The following TESC variants were observed in gnomAD, a reference collection of about 807,000 sequenced individuals.
TESC encodes the protein calcineurin B homologous protein 3.
TESC carries 19 observed loss-of-function variants against 31.0 expected under a neutral mutation model. That is an observed-to-expected ratio of 0.61 (90% CI 0.43 to 0.90). The LOEUF (loss-of-function observed/expected upper bound fraction) is 0.90, where lower values mean the gene tolerates loss of function less well. TESC is among the 40% of genes least tolerant of loss of function. TESC has a pLI of 0.00. For synonymous variants in TESC, 109 were observed against 114.8 expected, an observed-to-expected ratio of 0.95 and a Z score of 0.32; for missense variants, 248 against 303.8, an observed-to-expected ratio of 0.82 and a Z score of 1.36.
At chr12:117,069,773 T>C (rs532774137) in intron 2 of TESC, among the ~76,000 whole-genome samples, 2 of 152,366 alleles carry the variant, frequency 1.3e-5, no homozygotes, top group East Asian at 3.9e-4. Flanking sequence ...ATATTCAATT[T>C]GTCAAGCCGC....
At chr12:117,057,106 T>C (rs1207333418) in intron 2 of TESC, among the ~76,000 whole-genome samples, 1 of 152,116 alleles carries the variant, frequency 6.6e-6, no homozygotes, top group Non-Finnish European at 1.5e-5. Flanking sequence ...AGGCTCAAGA[T>C]ACTTTTCTTT....
intron 2 of TESC, among the ~76,000 whole-genome samples, chr12:117,074,590 G>T (rs1300723733): frequency 6.6e-6 from 1 of 152,130 alleles, no homozygotes; most frequent in Non-Finnish European, 1.5e-5. Flanking sequence ...CCTGATGGCA[G>T]CCTGAGCCCC....
At chr12:117,050,032 A>G (rs7956481) in intron 3 of TESC, among the ~76,000 whole-genome samples, 68,493 of 151,710 alleles carry the variant, frequency 0.45, 17,893 homozygotes, top group African/African-American at 0.73. Flanking sequence ...CAAACTCCTG[A>G]GCTCAAGCCA....
chr12:117,089,075 C>A (rs922775511), intron 1 of TESC, among the ~76,000 whole-genome samples: 1 of 152,142 alleles, frequency 6.6e-6, no homozygotes, highest in Non-Finnish European at 1.5e-5. Flanking sequence ...TCAGAAAAAA[C>A]GTTCCCCACT....
intron 4 of TESC, among the ~76,000 whole-genome samples, chr12:117,047,310 C>G (rs1430534805): frequency 6.6e-6 from 1 of 152,228 alleles, no homozygotes; most frequent in South Asian, 2.1e-4. Context: ...ACATGGGCAG[C>G]CCCAGGCCTG....
chr12:117,075,941 G>GTATT, intron 1 of TESC, among the ~76,000 whole-genome samples: 1 of 55,148 alleles, frequency 1.8e-5, no homozygotes, highest in African/African-American at 9.2e-5. Flanking sequence ...ATATATATAT[G>GTATT]TATATATACA....
At chr12:117,042,030 G>C in intron 6 of TESC, 36 bp from the exon 7 acceptor site, 1 of 1,575,950 alleles carries the variant, frequency 6.3e-7, no homozygotes, top group South Asian at 1.2e-5. Context: ...AGTGAGTGGC[G>C]CAGGTCCCCA....
intron 1 of TESC, among the ~76,000 whole-genome samples, chr12:117,090,539 A>C (rs1034138347): frequency 2.0e-4 from 30 of 152,206 alleles, no homozygotes; most frequent in African/African-American, 6.5e-4. Flanking sequence ...TCCTCGCAAC[A>C]TTCAGTGAAA....
chr12:117,076,841 C>T (rs767968963), intron 1 of TESC, among the ~76,000 whole-genome samples: 2 of 152,188 alleles, frequency 1.3e-5, no homozygotes, highest in Non-Finnish European at 2.9e-5. Context: ...CAAGTCTGTG[C>T]GACTGACCCC....
intron 2 of TESC, among the ~76,000 whole-genome samples, chr12:117,072,624 T>G (rs996101096): frequency 6.6e-6 from 1 of 152,184 alleles, no homozygotes; most frequent in African/African-American, 2.4e-5. Flanking sequence ...TGCATAACAA[T>G]AAGTCCAAGG....
intron 1 of TESC, among the ~76,000 whole-genome samples, chr12:117,077,920 C>T (rs1344666797): frequency 2.0e-5 from 3 of 151,850 alleles, no homozygotes; most frequent in Admixed American, 2.0e-4. Flanking sequence ...GAGTGATGCA[C>T]TGTTCTGGAT....
At chr12:117,059,414 T>A (rs1480391446) in intron 2 of TESC, among the ~76,000 whole-genome samples, 4 of 152,198 alleles carry the variant, frequency 2.6e-5, no homozygotes, top group Admixed American at 2.0e-4. Context: ...AGTAGCTGTG[T>A]CAGGGCAGAC....
At chr12:117,045,485 C>T (rs762656590) in intron 6 of TESC, among the ~76,000 whole-genome samples, 1 of 152,252 alleles carries the variant, frequency 6.6e-6, no homozygotes, top group Non-Finnish European at 1.5e-5. Flanking sequence ...CTCTCCCCAC[C>T]GAGGTCACAA....
intron 1 of TESC, among the ~76,000 whole-genome samples, chr12:117,090,253 A>T (rs753878116): frequency 1.1e-4 from 16 of 152,266 alleles, no homozygotes; most frequent in Non-Finnish European, 1.6e-4. Context: ...AATAATGAAT[A>T]TGTAGGTTCT....
intron 7 of TESC, among the ~76,000 whole-genome samples, chr12:117,040,077 C>T (rs1954459482): frequency 6.6e-6 from 1 of 152,250 alleles, no homozygotes; most frequent in East Asian, 1.9e-4. Context: ...CTCAGCATCT[C>T]CGGGGACAGC....
At chr12:117,061,457 G>A (rs1954799874) in intron 2 of TESC, among the ~76,000 whole-genome samples, 1 of 151,988 alleles carries the variant, frequency 6.6e-6, no homozygotes, top group African/African-American at 2.4e-5. Context: ...GAGAGGTGGG[G>A]GAGAAACCAC....
At chr12:117,066,225 G>GT (rs1491432827) in intron 2 of TESC, among the ~76,000 whole-genome samples, 4 of 9,608 alleles carry the variant, frequency 4.2e-4, no homozygotes, top group African/African-American at 7.2e-4. Context: ...TTTTTTTTTT[G>GT]GGGCAGGGCT....
At chr12:117,047,207 A>C (rs1954581818) in intron 4 of TESC, among the ~76,000 whole-genome samples, 1 of 152,214 alleles carries the variant, frequency 6.6e-6, no homozygotes, top group Admixed American at 6.5e-5. Flanking sequence ...TGTCGAGTTC[A>C]AAATATTGTT....
In TESC at chr12:117,075,923, GTATA is replaced by G. The variant is rs1214809145; in HGVS notation, c.59-587_59-584del. Among the ~76,000 whole-genome samples the G allele has an allele frequency of 5.7e-4, 39 of 68,708 alleles. 3 individuals carry two copies. The highest frequency in any genetic ancestry group is 2.2e-3 in the South Asian group (5 of 2,312). The allele number at this position is 68,708 out of a possible 152,430, so 45.1% of individuals were successfully genotyped here. A position where few individuals can be genotyped will look rare whatever the true frequency, so the allele number is the denominator to read the frequency against. ...TATATATATATATATATGTGTGTGT[GTATA>G]TATATATATATATGTATATATACAT... On this transcript the variant is annotated intron_variant, in intron 1 of 7. Coordinates refer to ENST00000335209, the MANE Select transcript of TESC (RefSeq NM_017899.4).
Sources: allele counts gnomAD v4.1 joint callset (sites outside exome capture counted in the v4.1 genomes callset), GRCh38; gene constraint gnomAD v4.1.1; transcripts MANE v1.5; gene names NCBI Gene and HGNC (gene_info 2026-07-23, HGNC 2026-07-21).